Variants in TEKTIP1 observed in about 807,000 individuals in gnomAD.
The protein encoded by TEKTIP1 is tektin bundle interacting protein 1.
At chr19:3,542,153 T>G in the TEKTIP1 span, 1 of 985,442 alleles carries the variant, frequency 1.0e-6, no homozygotes, top group Non-Finnish European at 1.2e-6. Flanking sequence ...TACATGTGTC[T>G]TGCAATTCAT....
the TEKTIP1 span, chr19:3,542,582 T>G: frequency 2.6e-6 from 2 of 772,530 alleles, no homozygotes; most frequent in African/African-American, 3.8e-5. Flanking sequence ...CAAGCGATTC[T>G]CCTGCCTCAG....
At chr19:3,543,133 G>C in the TEKTIP1 span, 1 of 1,511,726 alleles carries the variant, frequency 6.6e-7, no homozygotes, top group Non-Finnish European at 8.8e-7. Context: ...ACCCCACGCC[G>C]TGGGCCAGGC....
At chr19:3,539,305 C>CTCCT in the TEKTIP1 span, 3 of 1,238,848 alleles carry the variant, frequency 2.4e-6, no homozygotes, top group African/African-American at 4.5e-5. Context: ...CCCTCCCTCC[C>CTCCT]TCCCTCCCTG....
the TEKTIP1 span, chr19:3,542,945 CCT>C: frequency 5.3e-6 from 8 of 1,495,936 alleles, no homozygotes; most frequent in Non-Finnish European, 4.5e-6. Flanking sequence ...GGGCCCTTGT[CCT>C]CTCCCCTCCC....
At chr19:3,543,932 C>T in the TEKTIP1 span, 1 of 1,551,230 alleles carries the variant, frequency 6.4e-7, no homozygotes, top group Non-Finnish European at 8.7e-7. Flanking sequence ...CCCAGAACTA[C>T]CGGGAGTGGG....
At chr19:3,543,223 G>T in the TEKTIP1 span, 1 of 1,540,616 alleles carries the variant, frequency 6.5e-7, no homozygotes. Context: ...TCTGCCCCCT[G>T]CCCACCCTCA....
chr19:3,539,182 A>G, the TEKTIP1 span: 3 of 1,550,020 alleles, frequency 1.9e-6, no homozygotes, highest in Admixed American at 2.0e-5. Context: ...GCAGACATGC[A>G]AACCCTCAGG....
the TEKTIP1 span, chr19:3,543,226 C>G: frequency 6.5e-7 from 1 of 1,541,144 alleles, no homozygotes; most frequent in South Asian, 1.2e-5. Context: ...GCCCCCTGCC[C>G]ACCCTCAGCG....
At chr19:3,539,577 C>T in the TEKTIP1 span, 1 of 352,266 alleles carries the variant, frequency 2.8e-6, no homozygotes, top group African/African-American at 2.1e-5. Flanking sequence ...CTGGGCCCTT[C>T]TGTGGCTGAG....
the TEKTIP1 span, chr19:3,543,222 T>A: frequency 6.5e-7 from 1 of 1,540,560 alleles, no homozygotes; most frequent in Non-Finnish European, 8.7e-7. Context: ...CTCTGCCCCC[T>A]GCCCACCCTC....
chr19:3,543,495 C>T, the TEKTIP1 span: 2 of 1,521,504 alleles, frequency 1.3e-6, no homozygotes, highest in Non-Finnish European at 1.8e-6. Flanking sequence ...CCCCCCCGCC[C>T]TGGGCAGCGG....
At chr19:3,543,287 G>A in the TEKTIP1 span, 1 of 1,548,294 alleles carries the variant, frequency 6.5e-7, no homozygotes, top group Non-Finnish European at 8.7e-7. Context: ...CATCAGGCAG[G>A]CCACACGCTG....
chr19:3,543,715 C>T, the TEKTIP1 span: 5 of 1,501,080 alleles, frequency 3.3e-6, no homozygotes, highest in Admixed American at 6.5e-5. Flanking sequence ...CTTGGGAGGC[C>T]AGGGGGACAA....
At chr19:3,542,956 C>T in the TEKTIP1 span, 174 of 1,518,890 alleles carry the variant, frequency 1.1e-4, no homozygotes, top group Non-Finnish European at 1.5e-4. Context: ...CTCTCCCCTC[C>T]CTCTTCTCCA....
chr19:3,539,750 C>T, the TEKTIP1 span: 1 of 160,606 alleles, frequency 6.2e-6, no homozygotes, highest in Non-Finnish European at 1.4e-5. Context: ...GCCATCCTAA[C>T]ACGGGGTGAC....
the TEKTIP1 span, chr19:3,539,244 C>T: frequency 6.5e-7 from 1 of 1,549,462 alleles, no homozygotes; most frequent in Non-Finnish European, 8.7e-7. Flanking sequence ...GGCCAGCTTC[C>T]CAGCACCGCT....
At chr19:3,543,672 A>AG in the TEKTIP1 span, 13 of 1,538,334 alleles carry the variant, frequency 8.5e-6, no homozygotes, top group Non-Finnish European at 9.6e-6. Flanking sequence ...ATCCGGGGCA[A>AG]GGAATACGGT....
chr19:3,543,494 C>A, the TEKTIP1 span: 5 of 1,523,276 alleles, frequency 3.3e-6, no homozygotes, highest in South Asian at 6.1e-5. Flanking sequence ...CCCCCCCCGC[C>A]CTGGGCAGCG....
chr19:3,543,813 C>A, the TEKTIP1 span: 1 of 1,508,328 alleles, frequency 6.6e-7, no homozygotes. Context: ...CATGGTGACC[C>A]GAGTCCCACC....
Sources: allele counts gnomAD v4.1 joint callset, GRCh38; gene constraint gnomAD v4.1.1; transcripts MANE v1.5; gene names NCBI Gene and HGNC (gene_info 2026-07-23, HGNC 2026-07-21).